Variants in ZFP36L1 observed in about 807,000 individuals in gnomAD.
ZFP36L1 encodes the protein mRNA decay activator protein ZFP36L1.
ZFP36L1 carries 4 observed loss-of-function variants against 16.7 expected under a neutral mutation model. The ratio of observed to expected loss-of-function variants is 0.24; its 90% CI spans 0.12 to 0.55. The LOEUF is 0.55. Among genes scored for constraint, ZFP36L1 ranks in the 20% least tolerant of loss-of-function variants. ZFP36L1 has a pLI of 0.94. For missense variants in ZFP36L1, 311 were observed against 449.2 expected (o/e 0.69, Z 2.78); for synonymous variants, 220 against 190.8 (o/e 1.15, Z -1.26).
At chr14:68,796,001 C>G (rs145817389), upstream of ZFP36L1, 1,054 of 1,323,500 alleles carry the variant, frequency 8.0e-4, 11 homozygotes, top group African/African-American at 0.014. Flanking sequence ...CGTGGCCGTC[C>G]CCCGCCAACT....
intron 1 of ZFP36L1, chr14:68,791,256 G>GC (rs1193876259): frequency 3.6e-6 from 2 of 552,144 alleles, no homozygotes; most frequent in African/African-American, 3.8e-5. Flanking sequence ...TCTTTTGGCT[G>GC]CAAGAGCAAG....
chr14:68,793,874 C>T, upstream of ZFP36L1: 1 of 984,226 alleles, frequency 1.0e-6, no homozygotes. Flanking sequence ...TAGTGCGCCG[C>T]ACGCGTCGAC....
At chr14:68,793,489 G>A (rs1308181957), upstream of ZFP36L1, 15 of 987,058 alleles carry the variant, frequency 1.5e-5, no homozygotes, top group Non-Finnish European at 1.8e-5. Context: ...TCCCTCCGGG[G>A]TTCTTGTTGT....
upstream of ZFP36L1, chr14:68,793,945 A>T (rs1028989528): frequency 8.1e-6 from 8 of 984,372 alleles, no homozygotes; most frequent in Admixed American, 3.1e-4. Flanking sequence ...GCGCCGCAAA[A>T]AAAGACCACA....
rs767584692 is a variant in ZFP36L1, at chr14:68,790,371, G to A, written c.179C>T (p.Ser60Phe). ...PRRHSVTLPS[S>F]KFHQNQLLSS... ...GAGGAGCTGGTTCTGGTGGAACTTG[G>A]AGCTGGGCAGGGTGACTGAGTGCCT... Residue 60 changes from serine (S) to phenylalanine (F), a missense_variant, in exon 2 of 2, where the codon TCC becomes TTC. Physicochemically the swap from Ser to Phe is radical, Grantham distance 155. Coordinates refer to ENST00000439696, the MANE Select transcript of ZFP36L1 (RefSeq NM_004926.4). 2.4e-5 allele frequency: 39 copies of A among 1,613,480 alleles called. 1 individual carries two copies. The South Asian group carries it at 4.3e-4, about 18-fold the overall frequency.
At chr14:68,791,338 C>T (rs1174346802) in intron 1 of ZFP36L1, 2 of 493,510 alleles carry the variant, frequency 4.1e-6, no homozygotes, top group Non-Finnish European at 7.1e-6. Flanking sequence ...AAGCACCAAC[C>T]CCCCTACCCA....
chr14:68,791,831 C>A (rs901370085), intron 1 of ZFP36L1, among the ~76,000 whole-genome samples: 1 of 152,160 alleles, frequency 6.6e-6, no homozygotes, highest in African/African-American at 2.4e-5. Context: ...AGCTCCTCGG[C>A]GTCCCTGCAC....
upstream of ZFP36L1, among the ~76,000 whole-genome samples, chr14:68,795,305 T>TCCCCCAC (rs1895219676): frequency 8.1e-6 from 1 of 122,758 alleles, no homozygotes; most frequent in South Asian, 3.2e-4. Context: ...CCATTCCCGC[T>TCCCCCAC]CCCCCACCCC....
At chr14:68,793,886 C>G (rs1302492230), upstream of ZFP36L1, 1 of 983,190 alleles carries the variant, frequency 1.0e-6, no homozygotes. Flanking sequence ...CGCGTCGACA[C>G]TCGCGCTCGC....
At chr14:68,795,823 A>G, upstream of ZFP36L1, 1 of 537,622 alleles carries the variant, frequency 1.9e-6, no homozygotes, top group Non-Finnish European at 3.8e-6. Flanking sequence ...AGGGTGAGGG[A>G]GCCGAGAGGA....
chr14:68,792,412 A>G (rs576471528), intron 1 of ZFP36L1, among the ~76,000 whole-genome samples: 1 of 151,996 alleles, frequency 6.6e-6, no homozygotes, highest in Non-Finnish European at 1.5e-5. Flanking sequence ...AGCTCCCCCC[A>G]AAGAGTGGAG....
chr14:68,791,706 G>GA (rs1193779058), intron 1 of ZFP36L1, among the ~76,000 whole-genome samples: 1 of 152,130 alleles, frequency 6.6e-6, no homozygotes, highest in Non-Finnish European at 1.5e-5. Context: ...GGAGAGTCGA[G>GA]AAAAGAAGGA....
Position 68,790,442 on chromosome 14 carries a change from C to T in ZFP36L1, c.108G>A (p.Leu36=). The change falls in exon 2 of 2, where the codon CTG becomes CTA. Residue 36 remains leucine (L), a synonymous_variant. Transcript: ENST00000439696. ...YSAPSAGGCL[L]DRKAVGTPAG... ...CAGGGGTGCCCACTGCCTTTCTGTC[C>T]AGCAGGCAACCCCCTGCACTGGGAG... is the stretch of plus-strand genomic sequence containing the variant. The T allele has an allele frequency of 6.2e-7, 1 of 1,614,080 alleles. No homozygotes were observed. The highest frequency in any genetic ancestry group is 8.5e-7 in the Non-Finnish European group (1 of 1,179,980).
In ZFP36L1 at chr14:68,789,771, C is replaced by T; in HGVS notation, c.779G>A (p.Ser260Asn). Residue 260 changes from serine to asparagine, a missense_variant, in exon 2 of 2, where the codon AGC becomes AAC. Around this residue, in one of 4 missense-constraint regions of ZFP36L1, gnomAD observed 147 missense variants for 192.0 expected, o/e 0.77. Coordinates refer to ENST00000439696, the MANE Select transcript of ZFP36L1 (RefSeq NM_004926.4). This position sits in a 1 kb window ranked among gnomAD's most constrained non-coding sequence, Gnocchi z 4.5. Reference sequence around the variant, plus strand: ...CAGCCCCATGCTAGGGGCAAAGAGGCTTGCCAGCTCCTGGCTGGAGAAGGC... The same window carrying T: ...CAGCCCCATGCTAGGGGCAAAGAGGTTTGCCAGCTCCTGGCTGGAGAAGGC... ...PFAFSSQELA[S>N]LFAPSMGLPG... 6.2e-7 allele frequency: 1 copy of T among 1,613,858 alleles called. No homozygotes were observed. The highest frequency in any genetic ancestry group is 1.1e-5 in the South Asian group (1 of 91,086).
At chr14:68,792,303 G>C (rs557144859) in intron 1 of ZFP36L1, among the ~76,000 whole-genome samples, 1 of 152,042 alleles carries the variant, frequency 6.6e-6, no homozygotes, top group African/African-American at 2.4e-5. Context: ...ATCGCGGGAA[G>C]AAGCCCAACG....
chr14:68,789,192 T>C lies in ZFP36L1; in HGVS notation c.*341A>G, dbSNP rs1380194879. The C allele has an allele frequency of 3.7e-6, 1 of 273,520 alleles. No homozygotes were observed. The highest frequency in any genetic ancestry group is 7.0e-6 in the Non-Finnish European group (1 of 142,190). The allele number at this position is 273,520 out of a possible 1,614,324, so 16.9% of individuals were successfully genotyped here. A position where few individuals can be genotyped will look rare whatever the true frequency, so the allele number is the denominator to read the frequency against. ...AGTTGCTTCTGTAAACTGTTACTGCTTTTTCTCTTGTGATTTGGCACTTAA... is the reference window on the plus strand; with the variant it reads ...AGTTGCTTCTGTAAACTGTTACTGCCTTTTCTCTTGTGATTTGGCACTTAA... On this transcript the variant is annotated 3_prime_UTR_variant, in exon 2 of 2. Coordinates refer to ENST00000439696, the MANE Select transcript of ZFP36L1 (RefSeq NM_004926.4). This position sits in a 1 kb window ranked among gnomAD's most constrained non-coding sequence, Gnocchi z 4.5.
chr14:68,794,443 C>G (rs962020460), upstream of ZFP36L1: 1 of 152,250 alleles, frequency 6.6e-6, no homozygotes, highest in African/African-American at 2.4e-5. Context: ...AAAAAGTTAA[C>G]GAGTCCCCCA....
intron 1 of ZFP36L1, chr14:68,791,237 T>A: frequency 1.8e-6 from 1 of 559,110 alleles, no homozygotes; most frequent in East Asian, 3.0e-5. Flanking sequence ...AAGATGCCTT[T>A]GCAATTAGTC....
At chr14:68,793,507 T>C, upstream of ZFP36L1, 1 of 986,364 alleles carries the variant, frequency 1.0e-6, no homozygotes, top group Non-Finnish European at 1.2e-6. Flanking sequence ...TGTCATGTTG[T>C]TGTTTTTTGT....
Sources: allele counts gnomAD v4.1 joint callset (sites outside exome capture counted in the v4.1 genomes callset), GRCh38; gene constraint gnomAD v4.1.1; regional missense constraint gnomAD v4.1.1; non-coding constraint Gnocchi (gnomAD v3.1); transcripts MANE v1.5; gene names NCBI Gene and HGNC (gene_info 2026-07-23, HGNC 2026-07-21).